SEPTIN8: variants seen among roughly 807,000 people sequenced by gnomAD.
SEPTIN8 encodes septin-8.
In SEPTIN8, 22 loss-of-function variants were observed where a neutral mutation model predicts 53.1. That is an observed-to-expected ratio of 0.41 (90% CI 0.30 to 0.59). The LOEUF (loss-of-function observed/expected upper bound fraction) is 0.59, where lower values mean the gene tolerates loss of function less well. SEPTIN8 is among the 20% of genes least tolerant of loss of function. The pLI is 0.24. For synonymous variants in SEPTIN8, 228 were observed against 248.4 expected, an observed-to-expected ratio of 0.92 and a Z score of 0.77; for missense variants, 536 against 638.7, an observed-to-expected ratio of 0.84 and a Z score of 1.73.
upstream of SEPTIN8, chr5:132,778,052 A>G (rs1167357737): frequency 1.0e-6 from 1 of 985,362 alleles, no homozygotes; most frequent in Non-Finnish European, 1.2e-6. Flanking sequence ...CGCTAATGTC[A>G]CTGCTCAAAA....
Position 132,761,749 on chromosome 5 carries a change from G to A in SEPTIN8, c.793+51C>T, listed in dbSNP as rs1755986136. Reference sequence around the variant, plus strand: ...ACAGGGTACTACAGGCAGCAGGGCAGGCCAGGGAACTCAGTTCTACCCCCA... The same window carrying A: ...ACAGGGTACTACAGGCAGCAGGGCAAGCCAGGGAACTCAGTTCTACCCCCA... On this transcript the variant is annotated intron_variant, in intron 6 of 9. Transcript: ENST00000378719. This position sits in a 1 kb window ranked among gnomAD's most constrained non-coding sequence, Gnocchi z 5.8. 6.3e-7 allele frequency: 1 copy of A among 1,584,140 alleles called. No individual in the cohort carries two copies. The highest frequency in any genetic ancestry group is 8.6e-7 in the Non-Finnish European group (1 of 1,161,818).
chr5:132,758,385 AT>A, intron 9 of SEPTIN8: 1 of 1,448,480 alleles, frequency 6.9e-7, no homozygotes, highest in Non-Finnish European at 9.1e-7. Context: ...AACTGGGTGA[AT>A]TTTGCAGCAT....
At chr5:132,765,586 G>A in intron 1 of SEPTIN8, 57 bp from the exon 2 acceptor site, 2 of 1,523,448 alleles carry the variant, frequency 1.3e-6, no homozygotes, top group South Asian at 2.6e-5. Flanking sequence ...AGGTCAAGCT[G>A]CGGGGTGGGC....
intron 9 of SEPTIN8, chr5:132,758,529 A>G: frequency 6.2e-7 from 1 of 1,613,482 alleles, no homozygotes. Flanking sequence ...GAATAGTGAC[A>G]CTGTAAATGG....
chr5:132,771,907 C>T lies in SEPTIN8; in HGVS notation c.30+5201G>A, dbSNP rs144134467. Among the ~76,000 whole-genome samples the T allele has an allele frequency of 2.1e-3, 313 of 152,074 alleles. 1 individual carries two copies. Among genetic ancestry groups the T allele is most frequent in the Non-Finnish European group, 3.4e-3 (234 of 67,974 alleles). ...AGGGTGGGGGTGGGATGCTGCTACC[C>T]GGGGCCAGGAAGGAAGAATAGAGGC... On this transcript the variant is annotated intron_variant, in intron 1 of 9. Transcript: ENST00000378719.
chr5:132,765,580 C>T, intron 1 of SEPTIN8, 51 bp from the exon 2 acceptor site: 1 of 1,531,048 alleles, frequency 6.5e-7, no homozygotes, highest in Non-Finnish European at 8.7e-7. Flanking sequence ...GAAGAAAGGT[C>T]AAGCTGCGGG....
Position 132,762,537 on chromosome 5 carries a change from A to T in SEPTIN8, c.643T>A (p.Tyr215Asn). 1 of 1,614,212 alleles carries T rather than the reference A, an allele frequency of 6.2e-7. No individual in the cohort carries two copies. ...GELVSNGVQI[Y>N]QFPTDDEAVA... Reference sequence around the variant, plus strand: ...GCCTCATCATCCGTGGGGAACTGGTAGATCTGGACCCCGTTGCTGACCAAC... The same window carrying T: ...GCCTCATCATCCGTGGGGAACTGGTTGATCTGGACCCCGTTGCTGACCAAC... Residue 215 changes from tyrosine (Y) to asparagine (N), a missense_variant, in exon 5 of 10, where the codon TAC becomes AAC. Physicochemically the swap from Tyr to Asn is moderately radical, Grantham distance 143. Transcript: ENST00000378719.
intron 5 of SEPTIN8, 67 bp downstream of exon 5, chr5:132,762,415 CTG>C (rs1281610495): frequency 1.1e-5 from 16 of 1,464,096 alleles, no homozygotes; most frequent in Non-Finnish European, 1.4e-5. Flanking sequence ...TCTCCTGGGG[CTG>C]TGTCAGATCT....
Position 132,761,116 on chromosome 5 carries a change from C to T in SEPTIN8, c.1095+17G>A. 1 of 1,614,118 alleles carries T rather than the reference C, an allele frequency of 6.2e-7. No homozygotes were observed. ...CTCCCTCAGCTTCCCCATCCCAGCC[C>T]CCAGCCTGGCACATACCTCCCTTTC... On this transcript the variant is annotated intron_variant, in intron 8 of 9. Coordinates refer to ENST00000378719, the MANE Select transcript of SEPTIN8 (RefSeq NM_001098811.2). The surrounding 1 kb of genome is among the most constrained non-coding windows in gnomAD (Gnocchi z 5.8).
chr5:132,762,757 G>A, intron 4 of SEPTIN8, 112 bp from the exon 5 acceptor site: 2 of 1,218,542 alleles, frequency 1.6e-6, no homozygotes, highest in Non-Finnish European at 2.3e-6. Flanking sequence ...CTGGGCAGGG[G>A]GAAGGAGGCC....
At chr5:132,762,298 C>T (rs996328136) in intron 5 of SEPTIN8, among the ~76,000 whole-genome samples, 186 bp downstream of exon 5, 1 of 152,224 alleles carries the variant, frequency 6.6e-6, no homozygotes, top group Non-Finnish European at 1.5e-5. Flanking sequence ...TGTAGGCCCA[C>T]TATCAGATTC....
chr5:132,756,169 C>T, intron 9 of SEPTIN8: 1 of 985,416 alleles, frequency 1.0e-6, no homozygotes, highest in Non-Finnish European at 1.2e-6. Context: ...GCCTCGTATC[C>T]ATGAGCCCCA....
In SEPTIN8 at chr5:132,761,826, C is replaced by T. The variant is rs1163672316; in HGVS notation, c.767G>A (p.Arg256Gln). The T allele has an allele frequency of 4.4e-6, 7 of 1,608,866 alleles. No homozygotes were observed. Among genetic ancestry groups the T allele is most frequent in the Non-Finnish European group, 5.9e-6 (7 of 1,177,724 alleles). ...CTGCACCACTCCCCAGGGGTACTGC[C>T]GTGCTCGGACCAGCTTGTTCCCCAC... ...VKVGNKLVRARQYPWGVVQVE... is the reference protein window; with the variant it reads ...VKVGNKLVRAQQYPWGVVQVE... Residue 256 changes from arginine to glutamine, a missense_variant, in exon 6 of 10, where the codon CGG (arginine) becomes CAG (glutamine). Coordinates refer to ENST00000378719, the MANE Select transcript of SEPTIN8 (RefSeq NM_001098811.2). The surrounding 1 kb of genome is among the most constrained non-coding windows in gnomAD (Gnocchi z 5.8).
At chr5:132,777,567 G>A (rs1288093941), upstream of SEPTIN8, 13 of 975,942 alleles carry the variant, frequency 1.3e-5, no homozygotes, top group South Asian at 5.2e-4. The surrounding 1 kb of genome is among the most constrained non-coding windows in gnomAD (Gnocchi z 4.1). Context: ...CCGCGCGCTG[G>A]AAAGCCTTTC....
rs1176140134 is a variant in SEPTIN8, at chr5:132,751,852, G to A, written c.*164C>T. On this transcript the variant is annotated 3_prime_UTR_variant, in exon 10 of 10. Coordinates refer to ENST00000378719, the MANE Select transcript of SEPTIN8 (RefSeq NM_001098811.2). ...GGAGCCATGGATAGGAATGAAAAGGGTTGGGCAACATTTGATGTTCCCTGA... is the reference window on the plus strand; with the variant it reads ...GGAGCCATGGATAGGAATGAAAAGGATTGGGCAACATTTGATGTTCCCTGA... 1.7e-5 allele frequency: 22 copies of A among 1,270,206 alleles called. No individual in the cohort carries two copies. Among genetic ancestry groups the A allele is most frequent in the Admixed American group, 4.2e-5 (2 of 47,782 alleles). The allele number at this position is 1,270,206 out of a possible 1,614,324, so 78.7% of individuals were successfully genotyped here. A position where few individuals can be genotyped will look rare whatever the true frequency, so the allele number is the denominator to read the frequency against.
In SEPTIN8 at chr5:132,777,064, G is replaced by C; in HGVS notation, c.30+44C>G. ...CCAGCTGCAGGGCGGCCCCTCCTGC[G>C]CCCCGCGCCTCCCGCGCGCGCCGTG... On this transcript the variant is annotated intron_variant, in intron 1 of 9. Transcript: ENST00000378719. The surrounding 1 kb of genome is among the most constrained non-coding windows in gnomAD (Gnocchi z 4.1). 1 of 1,125,596 alleles carries C rather than the reference G, an allele frequency of 8.9e-7. No individual in the cohort carries two copies. 69.7% of individuals were successfully genotyped at this position (1,125,596 alleles called of 1,614,324 possible). A position where few individuals can be genotyped will look rare whatever the true frequency, so the allele number is the denominator to read the frequency against.
In SEPTIN8 at chr5:132,761,686, C is replaced by A; in HGVS notation, c.794-60G>T. 6.3e-7 allele frequency: 1 copy of A among 1,599,742 alleles called. No individual in the cohort carries two copies. On this transcript the variant is annotated intron_variant, in intron 6 of 9. Transcript: ENST00000378719. The surrounding 1 kb of genome is among the most constrained non-coding windows in gnomAD (Gnocchi z 5.8). ...CATGCAGGCGGGCACACTCCAGAGT[C>A]AGGGTAGGCACGCAGGTGGGCATGA...
rs1405698197 is a variant in SEPTIN8 at position 132,764,517 on chromosome 5, T to C, written c.152-98A>G. On this transcript the variant is annotated intron_variant, in intron 2 of 9. Coordinates refer to ENST00000378719, the MANE Select transcript of SEPTIN8 (RefSeq NM_001098811.2). ...AGGCCAGGCAGGGCTCAGGCATCCA[T>C]GGCCCCTGGATAAGAGAAAGGGGCA... 18 of 989,156 alleles carry C rather than the reference T, an allele frequency of 1.8e-5. 1 individual carries two copies. In the Admixed American group the frequency reaches 4.6e-4, roughly 25 times the overall value. The allele number at this position is 989,156 out of a possible 1,614,324, so 61.3% of individuals were successfully genotyped here.
At chr5:132,753,105 C>T in intron 9 of SEPTIN8, 1 of 686,762 alleles carries the variant, frequency 1.5e-6, no homozygotes. Flanking sequence ...AGAAAAAGTT[C>T]CCAACTGAGC....
Sources: gnomAD v4.1 joint callset for allele counts (sites outside exome capture counted in the v4.1 genomes callset) on GRCh38, gnomAD v4.1.1 for gene constraint, Gnocchi (gnomAD v3.1) non-coding constraint, MANE v1.5 for transcripts, NCBI Gene and HGNC (gene_info 2026-07-23, HGNC 2026-07-21) for gene names.